The following THSD7B variants were observed in gnomAD, a reference collection of about 807,000 sequenced individuals.
THSD7B encodes the protein thrombospondin type 1 domain containing 7B.
In THSD7B, 138 loss-of-function variants were observed where a neutral mutation model predicts 213.6. That is an observed-to-expected ratio of 0.65 (90% confidence interval 0.56 to 0.74). The LOEUF is 0.74. Ranked by LOEUF, THSD7B falls within the 30% of genes least tolerant of loss-of-function variation. THSD7B has a pLI of 0.00. For synonymous variants in THSD7B, 742 were observed against 687.0 expected (o/e 1.08, Z -1.25); for missense variants, 1,931 against 1,991.5 (o/e 0.97, Z 0.58).
chr2:137,483,659 A>AG (rs1450331370), intron 15 of THSD7B, among the ~76,000 whole-genome samples: 2 of 152,150 alleles, frequency 1.3e-5, no homozygotes, highest in African/African-American at 4.8e-5. Context: ...CAATGAAGTT[A>AG]GGGAAGGTTT....
At chr2:137,471,611 A>C (rs1012451473) in intron 15 of THSD7B, among the ~76,000 whole-genome samples, 4 of 152,022 alleles carry the variant, frequency 2.6e-5, no homozygotes, top group East Asian at 3.9e-4. Context: ...AGGGGTCATC[A>C]CATGGGAAGA....
chr2:137,555,949 G>A (rs1229581360), intron 15 of THSD7B, among the ~76,000 whole-genome samples: 1 of 152,196 alleles, frequency 6.6e-6, no homozygotes, highest in African/African-American at 2.4e-5. Flanking sequence ...ATCAGTGATT[G>A]AAGATCAAAT....
chr2:137,182,642 C>T (rs889801521), intron 7 of THSD7B, among the ~76,000 whole-genome samples: 2 of 152,176 alleles, frequency 1.3e-5, no homozygotes, highest in Non-Finnish European at 2.9e-5. Context: ...TCGCCCATCT[C>T]TTTGTAATAA....
chr2:137,533,052 AAAT>A (rs1330475069), intron 15 of THSD7B, among the ~76,000 whole-genome samples: 2 of 151,050 alleles, frequency 1.3e-5, no homozygotes, highest in Non-Finnish European at 3.0e-5. Context: ...ATTTATATAT[AAAT>A]AATGTTATAC....
intron 1 of THSD7B, among the ~76,000 whole-genome samples, chr2:136,775,349 C>G (rs1048272981): frequency 1.1e-4 from 17 of 152,126 alleles, no homozygotes; most frequent in Admixed American, 9.8e-4. Context: ...AGTCTGGTCT[C>G]AATCCTTTTC....
At chr2:137,012,412 C>T (rs1428052012) in intron 2 of THSD7B, among the ~76,000 whole-genome samples, 6 of 152,186 alleles carry the variant, frequency 3.9e-5, no homozygotes, top group African/African-American at 1.4e-4. Context: ...GTTTTGGTAA[C>T]AAGCTCTTTT....
At chr2:137,332,800 T>G (rs1398750415) in intron 12 of THSD7B, among the ~76,000 whole-genome samples, 1 of 152,212 alleles carries the variant, frequency 6.6e-6, no homozygotes, top group Non-Finnish European at 1.5e-5. Flanking sequence ...TTCGCTCAGC[T>G]CTGTCATTCT....
chr2:137,408,139 A>G (rs1038942648), intron 13 of THSD7B, among the ~76,000 whole-genome samples: 1 of 152,070 alleles, frequency 6.6e-6, no homozygotes, highest in Non-Finnish European at 1.5e-5. Flanking sequence ...CCATTTCTGC[A>G]TTAACTTGCT....
intron 12 of THSD7B, among the ~76,000 whole-genome samples, chr2:137,365,105 A>T (rs1352716020): frequency 6.6e-6 from 1 of 152,230 alleles, no homozygotes; most frequent in Non-Finnish European, 1.5e-5. Flanking sequence ...CAGCCATATG[A>T]TCTTTGACAA....
rs10687137 is a variant in THSD7B, at chr2:136,781,267, A to ATTT, written c.-36+15595_-36+15597dup. On this transcript the variant is annotated intron_variant, in intron 1 of 27. Transcript: ENST00000409968. ...TGTATTTTGACTACTTACCAGTTCT[A>ATTT]TTTTTTTTTTTTTTTTTGAGATGGA... is the stretch of plus-strand genomic sequence containing the variant. Among the ~76,000 whole-genome samples the ATTT allele has an allele frequency of 1.7e-3, 208 of 125,768 alleles. 8 individuals are homozygous for ATTT. Among genetic ancestry groups the ATTT allele is most frequent in the South Asian group, 6.2e-3 (24 of 3,858 alleles). 82.5% of individuals were successfully genotyped at this position (125,768 alleles called of 152,430 possible).
intron 3 of THSD7B, among the ~76,000 whole-genome samples, chr2:137,077,878 T>A (rs562012416): frequency 1.3e-5 from 2 of 152,288 alleles, no homozygotes; most frequent in African/African-American, 4.8e-5. Flanking sequence ...GCTTTTGGTG[T>A]TTTAGACATG....
chr2:137,006,293 G>T (rs1341290989), intron 2 of THSD7B, among the ~76,000 whole-genome samples: 2 of 152,180 alleles, frequency 1.3e-5, no homozygotes, highest in African/African-American at 4.8e-5. Flanking sequence ...TACTCAGGAG[G>T]CTGAGGCAGG....
In THSD7B at chr2:137,676,722, A is replaced by T. The variant is rs951434681; in HGVS notation, c.*117A>T. 2.9e-5 allele frequency: 24 copies of T among 822,536 alleles called. No individual in the cohort carries two copies. The African/African-American group carries it at 4.1e-4, about 14-fold the overall frequency. 51.0% of individuals were successfully genotyped at this position (822,536 alleles called of 1,614,324 possible). On this transcript the variant is annotated 3_prime_UTR_variant, in exon 28 of 28. Coordinates refer to ENST00000409968, the MANE Select transcript of THSD7B (RefSeq NM_001316349.2). The stretch of plus-strand genomic sequence containing the variant: ...AGATGTGATATATTGGGCAGAATAC[A>T]AATATTGCAAAAGTAATATTGCCTC...
intron 1 of THSD7B, among the ~76,000 whole-genome samples, chr2:136,785,649 C>A (rs952783474): frequency 2.6e-5 from 4 of 152,170 alleles, no homozygotes; most frequent in Admixed American, 2.6e-4. Flanking sequence ...TTTCTGTTTT[C>A]TGATTCTCTT....
chr2:137,486,700 G>T (rs960052248), intron 15 of THSD7B, among the ~76,000 whole-genome samples: 3 of 152,086 alleles, frequency 2.0e-5, no homozygotes, highest in Admixed American at 1.3e-4. Context: ...ATTTTTGTCA[G>T]CACCACACCA....
chr2:137,549,588 G>A (rs1680807025), intron 15 of THSD7B, among the ~76,000 whole-genome samples: 1 of 151,944 alleles, frequency 6.6e-6, no homozygotes, highest in Non-Finnish European at 1.5e-5. Flanking sequence ...GTACAATACA[G>A]CGTTGTTATC....
In THSD7B at chr2:137,546,386, TTA is replaced by T. The variant is rs1553458960; in HGVS notation, c.3139-16827_3139-16826del. On this transcript the variant is annotated intron_variant, in intron 15 of 27. Transcript: ENST00000409968. ...ATTATATATATATATAATATATATA[TTA>T]TATATATTATATATATTATATATAT... Among the ~76,000 whole-genome samples, 92 of 33,300 alleles carry T rather than the reference TTA, an allele frequency of 2.8e-3. 4 individuals are homozygous for T. The highest frequency in any genetic ancestry group is 0.016 in the African/African-American group (84 of 5,326). The allele number at this position is 33,300 out of a possible 152,430, so 21.8% of individuals were successfully genotyped here.
chr2:137,144,351 T>C (rs1679649318), intron 5 of THSD7B, among the ~76,000 whole-genome samples: 1 of 152,112 alleles, frequency 6.6e-6, no homozygotes, highest in African/African-American at 2.4e-5. Context: ...TTTTATTTAG[T>C]ATTTCATTTA....
At chr2:137,077,689 A>C (rs1687659827) in intron 3 of THSD7B, among the ~76,000 whole-genome samples, 1 of 151,018 alleles carries the variant, frequency 6.6e-6, no homozygotes, top group South Asian at 2.1e-4. Context: ...TTTTTCTTGT[A>C]AATTTGTTTG....
Sources: allele counts gnomAD v4.1 joint callset (sites outside exome capture counted in the v4.1 genomes callset), GRCh38; gene constraint gnomAD v4.1.1; transcripts MANE v1.5; gene names NCBI Gene and HGNC (gene_info 2026-07-23, HGNC 2026-07-21).